Variants in BOD1L1 observed in about 807,000 individuals in gnomAD.
BOD1L1 encodes the protein biorientation of chromosomes in cell division protein 1-like 1.
BOD1L1 carries 86 observed loss-of-function variants against 240.7 expected under a neutral mutation model. The observed-to-expected ratio is 0.36, with a 90% confidence interval of 0.30 to 0.43. The LOEUF (loss-of-function observed/expected upper bound fraction) is 0.43. BOD1L1 is among the 20% of genes least tolerant of loss of function. The pLI is 1.00. For missense variants in BOD1L1, 3,554 were observed against 3,643.5 expected (o/e 0.98, Z 0.63); for synonymous variants, 1,268 against 1,272.3 (o/e 1.00, Z 0.07).
rs944310036 is a variant in BOD1L1, at chr4:13,586,379, A to G, written c.8433+17T>C. On this transcript the variant is annotated intron_variant, in intron 17 of 25. Transcript: ENST00000040738. Reference sequence around the variant, plus strand: ...TACCCCCACCCAAAACTTAAAACTAATATGTGGAAAAAATACCTTTGTGTC... The same window carrying G: ...TACCCCCACCCAAAACTTAAAACTAGTATGTGGAAAAAATACCTTTGTGTC... 11 of 1,588,028 alleles carry G rather than the reference A, an allele frequency of 6.9e-6. No individual in the cohort carries two copies. The highest frequency in any genetic ancestry group is 2.7e-5 in the African/African-American group (2 of 74,306).
chr4:13,616,625 C>A (rs942656789), intron 2 of BOD1L1, among the ~76,000 whole-genome samples: 1 of 152,236 alleles, frequency 6.6e-6, no homozygotes, highest in African/African-American at 2.4e-5. Context: ...TAAGCCTCAA[C>A]TGCTCTCTAT....
intron 21 of BOD1L1, among the ~76,000 whole-genome samples, chr4:13,580,541 C>G (rs1389784846): frequency 1.3e-5 from 2 of 152,116 alleles, no homozygotes; most frequent in African/African-American, 4.8e-5. Context: ...GCGATGGAAT[C>G]CTGATACAAT....
chr4:13,571,726 G>C (rs1712218896), intron 25 of BOD1L1, among the ~76,000 whole-genome samples: 1 of 152,186 alleles, frequency 6.6e-6, no homozygotes. Flanking sequence ...ACAGACCCAG[G>C]ATCTGCATTT....
At chr4:13,589,337 T>A (rs1043082207) in intron 14 of BOD1L1, among the ~76,000 whole-genome samples, 4 of 152,216 alleles carry the variant, frequency 2.6e-5, no homozygotes, top group Non-Finnish European at 5.9e-5. Flanking sequence ...GGGAAAGGTA[T>A]GAGAACATAC....
At position 13,600,580 on chromosome 4, in the gene BOD1L1, C is replaced by T. The variant is rs199537008; in HGVS notation, c.6320G>A (p.Gly2107Asp). The change falls in exon 10 of 26, where the codon GGT becomes GAT. Residue 2107 changes from glycine to aspartate, a missense_variant. Around this residue, in one of 2 missense-constraint regions of BOD1L1, gnomAD observed 3,393 missense variants for 3,427.1 expected, o/e 0.99. Coordinates refer to ENST00000040738, the MANE Select transcript of BOD1L1 (RefSeq NM_148894.3). Reference protein sequence around the residue: ...DALRTEENMEGTRVTTEEFEA... With the variant: ...DALRTEENMEDTRVTTEEFEA... Reference sequence around the variant, plus strand: ...AAATTCTTCTGTGGTTACTCTGGTACCTTCCATATTTTCTTCAGTTCTCAG... The same window carrying T: ...AAATTCTTCTGTGGTTACTCTGGTATCTTCCATATTTTCTTCAGTTCTCAG... The T allele has an allele frequency of 2.4e-5, 38 of 1,613,578 alleles. No homozygotes were observed. The highest frequency in any genetic ancestry group is 2.2e-5 in the East Asian group (1 of 44,852).
chr4:13,610,579 G>C (rs1313865892), intron 6 of BOD1L1, among the ~76,000 whole-genome samples: 1 of 152,102 alleles, frequency 6.6e-6, no homozygotes, highest in Non-Finnish European at 1.5e-5. Context: ...TACTCTTCAG[G>C]CTATGTGCAT....
At chr4:13,594,573 T>C (rs1577335964) in intron 12 of BOD1L1, among the ~76,000 whole-genome samples, 1 of 152,304 alleles carries the variant, frequency 6.6e-6, no homozygotes, top group East Asian at 1.9e-4. Flanking sequence ...GTACCCATAA[T>C]TATCTGAAAA....
At position 13,613,571 on chromosome 4, in the gene BOD1L1, T is replaced by C. The variant is rs751176490; in HGVS notation, c.1265A>G (p.Asp422Gly). The change falls in exon 5 of 26, where the codon GAT (aspartate) becomes GGT (glycine). Residue 422 changes from aspartate (D) to glycine (G), a missense_variant. Physicochemically the swap from Asp to Gly is moderately conservative, Grantham distance 94. Around this residue, in one of 2 missense-constraint regions of BOD1L1, gnomAD observed 3,393 missense variants for 3,427.1 expected, o/e 0.99. Transcript: ENST00000040738. The surrounding 1 kb of genome is among the most constrained non-coding windows in gnomAD (Gnocchi z 4.0). ...HTSDLSSFEEDTEEEVVTSDS... is the reference protein window; with the variant it reads ...HTSDLSSFEEGTEEEVVTSDS... ...AGACGTTACAACTTCCTCCTCAGTA[T>C]CTTCTTCAAAAGATGAAAGGTCACT... 2.0e-5 allele frequency: 33 copies of C among 1,612,562 alleles called. No individual in the cohort carries two copies. In the Middle Eastern group the frequency reaches 6.6e-4, roughly 32 times the overall value.
chr4:13,625,195 T>C (rs965094568), intron 1 of BOD1L1: 2 of 152,224 alleles, frequency 1.3e-5, no homozygotes, highest in African/African-American at 4.8e-5. Flanking sequence ...ATCATTCAAT[T>C]CTTGACCTCA....
In BOD1L1 at chr4:13,617,524, C is replaced by A. The variant is rs79848691; in HGVS notation, c.369-2022G>T. Among the ~76,000 whole-genome samples the A allele has an allele frequency of 1.5e-4, 23 of 152,298 alleles. No individual in the cohort carries two copies. The East Asian group carries it at 3.3e-3, about 22-fold the overall frequency. The stretch of plus-strand genomic sequence containing the variant: ...CTACAGCCCTAGGTCAACGGCAAAG[C>A]CAAAATGCCAACAGCTGGCGTTTTT... On this transcript the variant is annotated intron_variant, in intron 2 of 25. Coordinates refer to ENST00000040738, the MANE Select transcript of BOD1L1 (RefSeq NM_148894.3).
At position 13,586,408 on chromosome 4, in the gene BOD1L1, T is replaced by G. The variant is rs751070979; in HGVS notation, c.8421A>C (p.Pro2807=). ...TAQRQCPETE[P]HDTKEENSRD... ...GTGGAAAAAATACCTTTGTGTCATG[T>G]GGCTCCGTTTCAGGACACTGCCTTT... Residue 2807 remains proline (P), a synonymous_variant, in exon 17 of 26, where the codon CCA becomes CCC. Coordinates refer to ENST00000040738, the MANE Select transcript of BOD1L1 (RefSeq NM_148894.3). The G allele has an allele frequency of 6.2e-6, 10 of 1,611,418 alleles. No individual in the cohort carries two copies. In the South Asian group the frequency reaches 1.1e-4, roughly 18 times the overall value.
chr4:13,622,658 T>G (rs1443141322), intron 1 of BOD1L1, among the ~76,000 whole-genome samples: 1 of 152,188 alleles, frequency 6.6e-6, no homozygotes, highest in African/African-American at 2.4e-5. Context: ...TCCAAGGCAT[T>G]CTCATCTGTC....
chr4:13,623,955 C>T (rs1717211539), intron 1 of BOD1L1: 2 of 151,732 alleles, frequency 1.3e-5, no homozygotes. Context: ...TTGGCCCACT[C>T]ATCATATTGA....
At position 13,601,482 on chromosome 4, in the gene BOD1L1, G is replaced by A. The variant is rs1715155681; in HGVS notation, c.5418C>T (p.Cys1806=). Residue 1806 remains cysteine, a synonymous_variant, in exon 10 of 26, where the codon TGC becomes TGT. Transcript: ENST00000040738. ...CTTCGCTGCTATCTTCTGAACCTGTGCAACTTGCTGGCCCCTCTCCATCTT... is the reference window on the plus strand; with the variant it reads ...CTTCGCTGCTATCTTCTGAACCTGTACAACTTGCTGGCCCCTCTCCATCTT... ...ITEDGEGPAS[C]TGSEDSSEGF... 6.2e-7 allele frequency: 1 copy of A among 1,613,866 alleles called. No homozygotes were observed.
intron 25 of BOD1L1, among the ~76,000 whole-genome samples, chr4:13,573,442 G>GTCTATCTATCTATCTATCTA (rs1553830292): frequency 0.054 from 6,462 of 120,710 alleles, 206 homozygotes; most frequent in South Asian, 0.11. Flanking sequence ...CTGTCTGTCT[G>GTCTATCTATCTATCTATCTA]TCTATCTATC....
At position 13,577,581 on chromosome 4, in the gene BOD1L1, C is replaced by A; in HGVS notation, c.8799+1G>T. The A allele has an allele frequency of 6.3e-7, 1 of 1,574,998 alleles. No individual in the cohort carries two copies. Among genetic ancestry groups the A allele is most frequent in the Non-Finnish European group, 8.6e-7 (1 of 1,156,216 alleles). The stretch of plus-strand genomic sequence containing the variant: ...ATCTTGATAAGAAATTTAACACTTA[C>A]ATTGCTTATACTTCTTTCTTGTAGG... On this transcript the variant is annotated splice_donor_variant, in intron 23 of 25. Transcript: ENST00000040738. LOFTEE classifies it high-confidence loss of function.
chr4:13,607,306 T>C (rs1428518558), intron 8 of BOD1L1, 117 bp from the exon 9 acceptor site: 4 of 398,568 alleles, frequency 1.0e-5, no homozygotes, highest in Non-Finnish European at 1.2e-5. Context: ...ATTTTATTAT[T>C]ATTATTTTTT....
At chr4:13,623,212 A>AT (rs1717157751) in intron 1 of BOD1L1, among the ~76,000 whole-genome samples, 1 of 152,110 alleles carries the variant, frequency 6.6e-6, no homozygotes. Flanking sequence ...TGTAAGCTCC[A>AT]TAACAGTGGG....
intron 15 of BOD1L1, among the ~76,000 whole-genome samples, chr4:13,588,345 G>T (rs953078473): frequency 6.6e-6 from 1 of 151,934 alleles, no homozygotes; most frequent in East Asian, 1.9e-4. Context: ...ATTCTAAAAC[G>T]CATTTAAAAA....
Sources: allele counts gnomAD v4.1 joint callset (sites outside exome capture counted in the v4.1 genomes callset), GRCh38; gene constraint gnomAD v4.1.1; regional missense constraint gnomAD v4.1.1; non-coding constraint Gnocchi (gnomAD v3.1); transcripts MANE v1.5; gene names NCBI Gene and HGNC (gene_info 2026-07-23, HGNC 2026-07-21).